The following AFAP1L2 variants were observed in gnomAD, a reference collection of about 807,000 sequenced individuals.
AFAP1L2 encodes actin filament associated protein 1 like 2.
A neutral mutation model predicts 99.3 loss-of-function variants in AFAP1L2; 46 were observed. That is an observed-to-expected ratio of 0.46 (90% CI 0.37 to 0.59). The LOEUF is 0.59. Ranked by LOEUF, AFAP1L2 falls within the 20% of genes least tolerant of loss-of-function variation. The probability of loss-of-function intolerance (pLI) is 0.00; values close to 1 mark genes in which losing one functional copy is unlikely to be tolerated. For missense variants in AFAP1L2, 959 were observed against 1,034.9 expected (o/e 0.93, Z 1.01); for synonymous variants, 397 against 419.1 (o/e 0.95, Z 0.64).
chr10:114,381,527 A>G (rs1174733406), intron 1 of AFAP1L2, among the ~76,000 whole-genome samples: 1 of 152,206 alleles, frequency 6.6e-6, no homozygotes, highest in Non-Finnish European at 1.5e-5. Flanking sequence ...TACACTTTAA[A>G]TGGGCGAATT....
Position 114,332,201 on chromosome 10 carries a change from A to T in AFAP1L2, c.221-304T>A, listed in dbSNP as rs573887767. ...CCAGCAGAGAAGCTGCCTGGTGGCC[A>T]CTATATTGAGCCACTCTCAGCATGG... On this transcript the variant is annotated intron_variant, in intron 3 of 18. Transcript: ENST00000304129. Among the ~76,000 whole-genome samples, 4 of 152,284 alleles carry T rather than the reference A, an allele frequency of 2.6e-5. 1 individual carries two copies. The South Asian group carries it at 8.3e-4, about 32-fold the overall frequency.
chr10:114,304,802 A>G lies in AFAP1L2; in HGVS notation c.1201T>C (p.Cys401Arg). The G allele has an allele frequency of 6.2e-7, 1 of 1,613,292 alleles. No homozygotes were observed. Among genetic ancestry groups the G allele is most frequent in the African/African-American group, 1.3e-5 (1 of 75,030 alleles). ...GGGCTGGGGTCTGGGACCACCTCGC[A>G]GCCCACCAGGCTGAGGGGTTGCTGG... ...VAQQPLSLVG[C>R]EVVPDPSPDH... Residue 401 changes from cysteine (C) to arginine (R), a missense_variant, in exon 11 of 19, where the codon TGC (cysteine) becomes CGC (arginine). Cys to Arg is a radical substitution (Grantham distance 180, BLOSUM62 -3). Coordinates refer to ENST00000304129, the MANE Select transcript of AFAP1L2 (RefSeq NM_001001936.3).
chr10:114,330,769 C>T (rs1298406565), intron 4 of AFAP1L2, among the ~76,000 whole-genome samples: 1 of 152,200 alleles, frequency 6.6e-6, no homozygotes, highest in Non-Finnish European at 1.5e-5. Context: ...TACATCTGTC[C>T]ATGTCTGCAG....
the AFAP1L2 span, chr10:114,285,015 A>T: frequency 6.8e-7 from 1 of 1,460,660 alleles, no homozygotes; most frequent in South Asian, 1.3e-5. Flanking sequence ...GGGGAGCAAG[A>T]AGAGGACGGG....
chr10:114,362,574 G>A (rs1044393974), intron 1 of AFAP1L2, among the ~76,000 whole-genome samples: 3 of 152,296 alleles, frequency 2.0e-5, no homozygotes, highest in African/African-American at 7.2e-5. Context: ...CAGAGGGAGC[G>A]CGGACCTGCT....
At chr10:114,281,772 C>T in the AFAP1L2 span, 1 of 984,916 alleles carries the variant, frequency 1.0e-6, no homozygotes, top group African/African-American at 1.7e-5. Flanking sequence ...CCCATCGAAG[C>T]TTTAAGGAAT....
intron 1 of AFAP1L2, among the ~76,000 whole-genome samples, chr10:114,352,989 C>A (rs2050773671): frequency 6.6e-6 from 1 of 152,224 alleles, no homozygotes; most frequent in Non-Finnish European, 1.5e-5. Flanking sequence ...AACCCCCTTT[C>A]CTTACTGTCT....
chr10:114,285,968 G>A, the AFAP1L2 span: 8 of 1,607,822 alleles, frequency 5.0e-6, no homozygotes, highest in East Asian at 2.2e-5. Flanking sequence ...ATGCAGGGTC[G>A]ACCTCCTCTT....
intron 1 of AFAP1L2, among the ~76,000 whole-genome samples, chr10:114,352,444 A>T (rs1457230852): frequency 4.0e-5 from 5 of 126,086 alleles, no homozygotes; most frequent in Non-Finnish European, 8.0e-5. Flanking sequence ...ACTGCACTCC[A>T]GCCTGGGTAA....
chr10:114,347,281 G>C (rs2049747127), intron 1 of AFAP1L2, among the ~76,000 whole-genome samples: 1 of 152,112 alleles, frequency 6.6e-6, no homozygotes, highest in Non-Finnish European at 1.5e-5. Flanking sequence ...TCTTCCTCCT[G>C]ATCAGAGAGA....
At chr10:114,305,269 G>A in intron 10 of AFAP1L2, 1 of 348,452 alleles carries the variant, frequency 2.9e-6, no homozygotes, top group Non-Finnish European at 5.5e-6. Flanking sequence ...GGATGTGGGA[G>A]GGCACGCGGA....
At chr10:114,332,620 C>T (rs1215081484) in intron 3 of AFAP1L2, among the ~76,000 whole-genome samples, 1 of 152,250 alleles carries the variant, frequency 6.6e-6, no homozygotes, top group African/African-American at 2.4e-5. Flanking sequence ...TAGCCTGCGT[C>T]TTCTGCAACT....
intron 5 of AFAP1L2, among the ~76,000 whole-genome samples, chr10:114,320,756 C>T (rs1316629160): frequency 6.6e-6 from 1 of 152,256 alleles, no homozygotes; most frequent in Non-Finnish European, 1.5e-5. Flanking sequence ...GTCTGACCCA[C>T]AAACCGGCCC....
At chr10:114,345,032 G>A (rs1435783729) in intron 1 of AFAP1L2, among the ~76,000 whole-genome samples, 2 of 150,526 alleles carry the variant, frequency 1.3e-5, no homozygotes, top group African/African-American at 2.5e-5. Context: ...GAGAGACGGA[G>A]GTTGCAGTGA....
chr10:114,287,460 C>A, the AFAP1L2 span, among the ~76,000 whole-genome samples: 1 of 152,266 alleles, frequency 6.6e-6, no homozygotes, highest in African/African-American at 2.4e-5. Context: ...GGATTACAGG[C>A]TTGAGTGAAA....
At chr10:114,396,198 C>T (rs752413415) in intron 1 of AFAP1L2, among the ~76,000 whole-genome samples, 1 of 152,232 alleles carries the variant, frequency 6.6e-6, no homozygotes, top group African/African-American at 2.4e-5. Flanking sequence ...AGCCTTCCAA[C>T]AGGCTGTGCT....
At position 114,404,441 on chromosome 10, in the gene AFAP1L2, T is replaced by G. The variant is rs2058537283; in HGVS notation, c.15A>C (p.Lys5Asn). The G allele has an allele frequency of 1.3e-6, 2 of 1,542,542 alleles. No individual in the cohort carries two copies. Among genetic ancestry groups the G allele is most frequent in the African/African-American group, 2.8e-5 (2 of 72,688 alleles). The change falls in exon 1 of 19, where the codon AAA becomes AAC. Residue 5 changes from lysine (K) to asparagine (N), a missense_variant and splice_region_variant. Coordinates refer to ENST00000304129, the MANE Select transcript of AFAP1L2 (RefSeq NM_001001936.3). ...CGCGCGAGGAACCCGCGCCCTCACCTTTGTACCGCTCCATCGGGGCCACGG... is the reference window on the plus strand; with the variant it reads ...CGCGCGAGGAACCCGCGCCCTCACCGTTGTACCGCTCCATCGGGGCCACGG... Reference protein sequence around the residue: MERYKALEQLLTELD... With the variant: MERYNALEQLLTELD...
chr10:114,384,700 C>A lies in AFAP1L2; in HGVS notation c.16+19740G>T, dbSNP rs537451256. On this transcript the variant is annotated intron_variant, in intron 1 of 18. Coordinates refer to ENST00000304129, the MANE Select transcript of AFAP1L2 (RefSeq NM_001001936.3). ...GAGCCCAGCAGCACCGGTTAAACAC[C>A]TACTTCCAGAGAGAGGTACAGCCAC... Among the ~76,000 whole-genome samples, 3 of 152,352 alleles carry A rather than the reference C, an allele frequency of 2.0e-5. No homozygotes were observed. In the South Asian group the frequency reaches 6.2e-4, roughly 32 times the overall value.
intron 2 of AFAP1L2, among the ~76,000 whole-genome samples, chr10:114,334,273 C>T (rs2047621757): frequency 6.6e-6 from 1 of 152,242 alleles, no homozygotes. Context: ...TGCTCCATTT[C>T]CAATCCCCCA....
Sources: allele counts gnomAD v4.1 joint callset (sites outside exome capture counted in the v4.1 genomes callset), GRCh38; gene constraint gnomAD v4.1.1; transcripts MANE v1.5; gene names NCBI Gene and HGNC (gene_info 2026-07-23, HGNC 2026-07-21).